The following FRMD7 variants were observed in gnomAD, a reference collection of about 807,000 sequenced individuals.
The protein encoded by FRMD7 is FERM domain containing 7, also known as FERM domain-containing protein 7.
FRMD7 carries 14 observed loss-of-function variants against 44.1 expected under a neutral mutation model. The observed-to-expected ratio is 0.32, with a 90% CI of 0.21 to 0.50. The LOEUF is 0.50. FRMD7 is among the 20% of genes least tolerant of loss of function. The pLI is 0.99. For synonymous variants in FRMD7, 212 were observed against 187.4 expected (o/e 1.13, Z -1.07); for missense variants, 501 against 522.3 (o/e 0.96, Z 0.40).
rs1243774772 is a variant in FRMD7 at position 132,078,106 on chromosome X, C to T, written c.1911G>A (p.Met637Ile). The change falls in exon 12 of 12, where the codon ATG becomes ATA. Residue 637 changes from methionine (M) to isoleucine (I), a missense_variant. This residue lies in a region of FRMD7 where 453 missense variants were observed against 452.7 expected (regional missense o/e 1.00). Coordinates refer to ENST00000298542, the MANE Select transcript of FRMD7 (RefSeq NM_194277.3). ...CATACCTTTCTGCTGTACTTTGATC[C>T]ATTAGAACTGCTGGCAACTCCTGCT... is the stretch of plus-strand genomic sequence containing the variant. ...FAEQELPAVL[M>I]DQSTAERYVA... The T allele has an allele frequency of 1.7e-6, 2 of 1,210,983 alleles. No individual in the cohort carries two copies. Among genetic ancestry groups the T allele is most frequent in the Admixed American group, 4.3e-5 (2 of 46,051 alleles).
chrX:132,110,965 G>T (rs189707648), intron 1 of FRMD7, among the ~76,000 whole-genome samples: 477 of 111,951 alleles, frequency 4.3e-3, no homozygotes, highest in Non-Finnish European at 5.0e-3. Context: ...CAAGAGAACT[G>T]CTTGAGGCCA....
At chrX:132,088,262 T>C (rs190382986) in intron 5 of FRMD7, among the ~76,000 whole-genome samples, 1 of 112,124 alleles carries the variant, frequency 8.9e-6, no homozygotes, top group African/African-American at 3.2e-5. Context: ...ATGTAGAAAA[T>C]CCCAAGGTTG....
At chrX:132,083,920 C>A (rs189588508) in intron 8 of FRMD7, among the ~76,000 whole-genome samples, 1 of 111,841 alleles carries the variant, frequency 8.9e-6, no homozygotes, top group Non-Finnish European at 1.9e-5. Flanking sequence ...CTACATGTCA[C>A]CACTCCACTT....
At chrX:132,108,685 C>A (rs1440505626) in intron 1 of FRMD7, among the ~76,000 whole-genome samples, 1 of 111,237 alleles carries the variant, frequency 9.0e-6, no homozygotes, top group African/African-American at 3.3e-5. Flanking sequence ...GTGTCCCCAC[C>A]CAAATCTCAT....
At chrX:132,090,174 C>T (rs1157816953) in intron 5 of FRMD7, among the ~76,000 whole-genome samples, 5 of 111,250 alleles carry the variant, frequency 4.5e-5, no homozygotes, top group Admixed American at 9.5e-5. Flanking sequence ...GTCAGGAGTT[C>T]GAGACCAGCC....
Position 132,094,075 on chromosome X carries a change from A to G in FRMD7, c.349T>C (p.Cys117Arg). Residue 117 changes from cysteine (C) to arginine (R), a missense_variant, in exon 5 of 12, where the codon TGT (cysteine) becomes CGT (arginine). Coordinates refer to ENST00000298542, the MANE Select transcript of FRMD7 (RefSeq NM_194277.3). ...ATGTGAGATACCATCAACGCTGTAC[A>G]GTTGTCACTGCATGGAAGCCTTCCT... ...ALGRLPCSDN[C>R]TALMVSHILQ... 8.5e-7 allele frequency: 1 copy of G among 1,179,883 alleles called. No homozygotes were observed. Among genetic ancestry groups the G allele is most frequent in the Non-Finnish European group, 1.2e-6 (1 of 866,294 alleles).
At chrX:132,102,380 A>T (rs1292440624) in intron 1 of FRMD7, among the ~76,000 whole-genome samples, 2 of 111,834 alleles carry the variant, frequency 1.8e-5, no homozygotes, top group Non-Finnish European at 3.8e-5. Flanking sequence ...ACCAAGGGAA[A>T]GGGGGTTTGA....
intron 8 of FRMD7, 90 bp from the exon 9 acceptor site, chrX:132,082,616 G>T (rs1927855768): frequency 1.2e-6 from 1 of 835,438 alleles, no homozygotes. Context: ...TTGCTCCGTT[G>T]GCCCATGCAG....
At chrX:132,113,897 T>C (rs5977632) in intron 1 of FRMD7, among the ~76,000 whole-genome samples, 10,931 of 109,516 alleles carry the variant, frequency 0.1, 556 homozygotes, top group African/African-American at 0.19. Flanking sequence ...TATTTTTTTT[T>C]CTACTGATTA....
intron 1 of FRMD7, among the ~76,000 whole-genome samples, chrX:132,108,057 C>A (rs1344764373): frequency 8.9e-6 from 1 of 112,115 alleles, no homozygotes; most frequent in African/African-American, 3.2e-5. Context: ...CTAGTTCTGA[C>A]TCCTCTACCA....
At chrX:132,108,388 T>C (rs1311997380) in intron 1 of FRMD7, among the ~76,000 whole-genome samples, 3 of 111,540 alleles carry the variant, frequency 2.7e-5, no homozygotes, top group Non-Finnish European at 3.8e-5. Context: ...AAGGATGAAT[T>C]TGATTAATTT....
chrX:132,081,699 C>T (rs1927820590), intron 9 of FRMD7, among the ~76,000 whole-genome samples: 2 of 112,676 alleles, frequency 1.8e-5, no homozygotes, highest in South Asian at 3.7e-4. Context: ...GAATTTTGTA[C>T]CTAGCTAAAA....
intron 1 of FRMD7, among the ~76,000 whole-genome samples, chrX:132,110,160 G>T (rs1439926216): frequency 1.8e-5 from 2 of 111,332 alleles, no homozygotes; most frequent in Non-Finnish European, 3.8e-5. Context: ...ATGTGGTGAG[G>T]CCTGAGAATA....
chrX:132,092,665 G>T (rs1350125881), intron 5 of FRMD7, among the ~76,000 whole-genome samples: 1 of 111,856 alleles, frequency 8.9e-6, no homozygotes, highest in Non-Finnish European at 1.9e-5. Flanking sequence ...AGGCAGAACT[G>T]TTAAGAATGA....
chrX:132,126,068 A>T (rs921541340), intron 1 of FRMD7, among the ~76,000 whole-genome samples: 5 of 103,317 alleles, frequency 4.8e-5, no homozygotes, highest in African/African-American at 1.5e-4. Flanking sequence ...TGCTATCATC[A>T]TCATCACCAC....
At chrX:132,121,934 G>T (rs753393902) in intron 1 of FRMD7, among the ~76,000 whole-genome samples, 1 of 111,221 alleles carries the variant, frequency 9.0e-6, no homozygotes, top group African/African-American at 3.3e-5. Context: ...CCAAAGGGAA[G>T]AGCAAATCTC....
intron 1 of FRMD7, among the ~76,000 whole-genome samples, chrX:132,104,489 G>A (rs747693349): frequency 1.8e-5 from 2 of 111,236 alleles, no homozygotes; most frequent in East Asian, 5.6e-4. Flanking sequence ...TCAGGAGATC[G>A]AGACCATCCT....
rs1319232765 is a variant in FRMD7 at position 132,077,728 on chromosome X, T to C, written c.*144A>G. 1.2e-6 allele frequency: 1 copy of C among 868,242 alleles called. No individual in the cohort carries two copies. Among genetic ancestry groups the C allele is most frequent in the Non-Finnish European group, 1.6e-6 (1 of 620,802 alleles). The allele number at this position is 868,242 out of a possible 1,213,427, so 71.6% of individuals were successfully genotyped here. ...CAAGGAATGAGGCAACAGCTGGATC[T>C]TTCATAAGGCAGGCATCCAAAATGA... On this transcript the variant is annotated 3_prime_UTR_variant, in exon 12 of 12. Coordinates refer to ENST00000298542, the MANE Select transcript of FRMD7 (RefSeq NM_194277.3).
chrX:132,122,630 T>C (rs1016444968), intron 1 of FRMD7, among the ~76,000 whole-genome samples: 1 of 112,129 alleles, frequency 8.9e-6, no homozygotes, highest in African/African-American at 3.2e-5. Flanking sequence ...GTCTTCACCA[T>C]TGACGAAGTT....
Sources: gnomAD v4.1 joint callset for allele counts (sites outside exome capture counted in the v4.1 genomes callset) on GRCh38, gnomAD v4.1.1 for gene constraint, gnomAD v4.1.1 regional missense constraint, MANE v1.5 for transcripts, NCBI Gene and HGNC (gene_info 2026-07-23, HGNC 2026-07-21) for gene names.